The following HIVEP1 variants were observed in gnomAD, a reference collection of about 807,000 sequenced individuals.
HIVEP1 encodes the protein zinc finger protein 40.
A neutral mutation model predicts 180.0 loss-of-function variants in HIVEP1; 36 were observed. The ratio of observed to expected loss-of-function variants is 0.20; its 90% CI spans 0.15 to 0.26. The LOEUF is 0.26. Among genes scored for constraint, HIVEP1 ranks in the 10% least tolerant of loss-of-function variants. The pLI, the probability that HIVEP1 is intolerant of heterozygous loss-of-function variation, is 1.00. For synonymous variants in HIVEP1, 1,239 were observed against 1,239.0 expected (o/e 1.00, Z 0.00); for missense variants, 3,143 against 3,268.7 (o/e 0.96, Z 0.94).
intron 4 of HIVEP1, among the ~76,000 whole-genome samples, chr6:12,128,676 A>G (rs1422490706): frequency 6.6e-6 from 1 of 152,216 alleles, no homozygotes; most frequent in Non-Finnish European, 1.5e-5. Flanking sequence ...GAATGGCACT[A>G]TAAGTGAGAC....
intron 2 of HIVEP1, among the ~76,000 whole-genome samples, chr6:12,088,374 A>G (rs1323371553): frequency 6.6e-6 from 1 of 152,130 alleles, no homozygotes; most frequent in Non-Finnish European, 1.5e-5. Flanking sequence ...CATTTTAATA[A>G]GTACCTAGAC....
At chr6:12,025,345 A>G (rs1474891252) in intron 2 of HIVEP1, among the ~76,000 whole-genome samples, 1 of 152,106 alleles carries the variant, frequency 6.6e-6, no homozygotes, top group Non-Finnish European at 1.5e-5. Context: ...TTTAGAATCT[A>G]TTTCAAGTTG....
intron 2 of HIVEP1, among the ~76,000 whole-genome samples, chr6:12,041,400 C>A (rs1221349678): frequency 3.5e-5 from 4 of 114,454 alleles, no homozygotes; most frequent in East Asian, 2.9e-4. Context: ...CCAGCCTGGG[C>A]GACAGAGCGA....
chr6:12,091,632 A>G (rs192604284), intron 3 of HIVEP1, among the ~76,000 whole-genome samples: 3 of 152,310 alleles, frequency 2.0e-5, no homozygotes, highest in Non-Finnish European at 1.5e-5. Context: ...GACTTTGCCT[A>G]TCATACACCA....
chr6:12,071,520 C>A (rs193280585), intron 2 of HIVEP1, among the ~76,000 whole-genome samples: 1 of 152,222 alleles, frequency 6.6e-6, no homozygotes, highest in Admixed American at 6.6e-5. Context: ...TGTCAACCCT[C>A]ACAGTTTGCC....
intron 2 of HIVEP1, among the ~76,000 whole-genome samples, chr6:12,050,321 C>T (rs1770416462): frequency 6.6e-6 from 1 of 152,220 alleles, no homozygotes; most frequent in African/African-American, 2.4e-5. Flanking sequence ...TGCGCTGGCT[C>T]ACGCCTGTAA....
rs907800753 is a variant in HIVEP1 at position 12,163,346 on chromosome 6, A to T, written c.7042A>T (p.Met2348Leu). ...AEHSPQTAAG[M>L]PSVASPHPDP... The stretch of plus-strand genomic sequence containing the variant: ...GCACAGCCCCCAGACAGCAGCGGGG[A>T]TGCCTTCTGTGGCCTCACCACATCC... Residue 2348 changes from methionine to leucine, a missense_variant, in exon 9 of 9, where the codon ATG becomes TTG. This residue lies in a region of HIVEP1 where 595 missense variants were observed against 602.2 expected (regional missense o/e 0.99). Transcript: ENST00000379388. 1.9e-6 allele frequency: 3 copies of T among 1,614,058 alleles called. No individual in the cohort carries two copies. Among genetic ancestry groups the T allele is most frequent in the Non-Finnish European group, 1.7e-6 (2 of 1,180,030 alleles).
intron 2 of HIVEP1, among the ~76,000 whole-genome samples, chr6:12,049,449 A>C (rs1233097748): frequency 6.6e-6 from 1 of 152,118 alleles, no homozygotes; most frequent in African/African-American, 2.4e-5. Flanking sequence ...TGTTCGGCAG[A>C]GTGTGTGAGA....
chr6:12,125,934 A>G (rs1425870901), intron 4 of HIVEP1, 64 bp downstream of exon 4: 3 of 877,822 alleles, frequency 3.4e-6, no homozygotes, highest in Admixed American at 2.4e-5. Flanking sequence ...GTGTCTTGAT[A>G]CCTTTAAATA....
At chr6:12,114,433 C>T (rs1050317706) in intron 3 of HIVEP1, among the ~76,000 whole-genome samples, 4 of 152,132 alleles carry the variant, frequency 2.6e-5, no homozygotes, top group Non-Finnish European at 5.9e-5. Flanking sequence ...TCTGATTTCC[C>T]CTTGTTTCTT....
chr6:12,190,997 C>T, the HIVEP1 span, among the ~76,000 whole-genome samples: 1 of 152,134 alleles, frequency 6.6e-6, no homozygotes, highest in Non-Finnish European at 1.5e-5. Context: ...CTAAGCTGAA[C>T]TTCCAGGCAC....
intron 2 of HIVEP1, among the ~76,000 whole-genome samples, chr6:12,042,971 C>T (rs961859941): frequency 1.3e-5 from 2 of 152,108 alleles, no homozygotes; most frequent in Non-Finnish European, 2.9e-5. Flanking sequence ...ATTTTTCCCC[C>T]TACAAATAAA....
chr6:12,067,821 G>C (rs181140172), intron 2 of HIVEP1, among the ~76,000 whole-genome samples: 211 of 152,124 alleles, frequency 1.4e-3, no homozygotes, highest in African/African-American at 4.9e-3. Context: ...ACAAATCAAT[G>C]GCCCCCAATG....
chr6:12,031,975 C>T (rs1768976443), intron 2 of HIVEP1, among the ~76,000 whole-genome samples: 1 of 152,058 alleles, frequency 6.6e-6, no homozygotes, highest in Non-Finnish European at 1.5e-5. Context: ...TTTGACAGGC[C>T]TCTTACTTAA....
At position 12,020,013 on chromosome 6, in the gene HIVEP1, G is replaced by A. The variant is rs1347179632; in HGVS notation, c.40+4345G>A. 2.6e-5 allele frequency among the ~76,000 whole-genome samples: 4 copies of A among 152,212 alleles called. No homozygotes were observed. The East Asian group carries it at 7.7e-4, about 29-fold the overall frequency. On this transcript the variant is annotated intron_variant, in intron 2 of 8. Transcript: ENST00000379388. ...AAGCCTGCATAGACTGCTTTTATAA[G>A]GAGATGGAGTATCTACTTCTTTGCT...
At chr6:12,195,579 C>T in the HIVEP1 span, among the ~76,000 whole-genome samples, 1 of 152,176 alleles carries the variant, frequency 6.6e-6, no homozygotes, top group East Asian at 1.9e-4. Context: ...ACACATTTTA[C>T]AGATAAAACT....
chr6:12,059,281 A>G (rs898685474), intron 2 of HIVEP1, among the ~76,000 whole-genome samples: 1 of 151,906 alleles, frequency 6.6e-6, no homozygotes, highest in African/African-American at 2.4e-5. Context: ...CAAGTGATCC[A>G]CCTGCCTCGG....
chr6:12,177,423 A>C, the HIVEP1 span, among the ~76,000 whole-genome samples: 2 of 152,184 alleles, frequency 1.3e-5, no homozygotes, highest in African/African-American at 2.4e-5. Context: ...TCTACCTACA[A>C]GTTTTCTAAA....
In HIVEP1 at chr6:12,120,902, C is replaced by A. The variant is rs1757601297; in HGVS notation, c.1107C>A (p.Pro369=). ...GTCCGGCTAATTCTACACAGTCGCC[C>A]CCCATGCCAATCTATAATTCAACTC... ...SISPANSTQS[P]PMPIYNSTHV... is the part of the protein sequence containing the mutation. Residue 369 remains proline, a synonymous_variant, in exon 4 of 9, where the codon CCC becomes CCA. Transcript: ENST00000379388. The A allele has an allele frequency of 6.2e-7, 1 of 1,614,004 alleles. No individual in the cohort carries two copies. The highest frequency in any genetic ancestry group is 1.1e-5 in the South Asian group (1 of 91,088).
Sources: allele counts gnomAD v4.1 joint callset (sites outside exome capture counted in the v4.1 genomes callset), GRCh38; gene constraint gnomAD v4.1.1; regional missense constraint gnomAD v4.1.1; transcripts MANE v1.5; gene names NCBI Gene and HGNC (gene_info 2026-07-23, HGNC 2026-07-21).